Variants in LSM4 observed in about 807,000 individuals in gnomAD.
LSM4 encodes the protein U6 snRNA-associated Sm-like protein LSm4.
In LSM4, 15 loss-of-function variants were observed where a neutral mutation model predicts 22.3. The observed-to-expected ratio is 0.67, with a 90% confidence interval of 0.45 to 1.03. The LOEUF (loss-of-function observed/expected upper bound fraction) is 1.03, where lower values mean the gene tolerates loss of function less well. LSM4 is among the 50% of genes least tolerant of loss of function. LSM4 has a pLI of 0.00. For missense variants in LSM4, 127 were observed against 198.0 expected (o/e 0.64, Z 2.15); for synonymous variants, 90 against 79.8 (o/e 1.13, Z -0.68).
chr19:18,316,211 C>G, intron 1 of LSM4, 146 bp from the exon 2 acceptor site: 1 of 634,638 alleles, frequency 1.6e-6, no homozygotes, highest in South Asian at 1.9e-5. Context: ...CTGGAAATGC[C>G]ATTTCCTCAC....
chr19:18,307,353 G>A lies in LSM4; in HGVS notation c.*111C>T, dbSNP rs995282012. ...AAAGGGAGGGTCACAAAACACGAAGGGGGTTCCCCCTGGCGCCTGCCTCTT... is the reference window on the plus strand; with the variant it reads ...AAAGGGAGGGTCACAAAACACGAAGAGGGTTCCCCCTGGCGCCTGCCTCTT... On this transcript the variant is annotated 3_prime_UTR_variant, in exon 5 of 5. Coordinates refer to ENST00000593829, the MANE Select transcript of LSM4 (RefSeq NM_012321.5). The A allele has an allele frequency of 9.6e-6, 8 of 835,666 alleles. No homozygotes were observed. The African/African-American group carries it at 1.4e-4, about 15-fold the overall frequency. 51.8% of individuals were successfully genotyped at this position (835,666 alleles called of 1,614,324 possible).
At chr19:18,316,185 T>C in intron 1 of LSM4, 120 bp from the exon 2 acceptor site, 1 of 773,774 alleles carries the variant, frequency 1.3e-6, no homozygotes, top group Admixed American at 2.3e-5. Flanking sequence ...CAGGAGTGCG[T>C]GTCAATCACC....
rs375405349 is a variant in LSM4, at chr19:18,311,015, G to A, written c.145-1154C>T. On this transcript the variant is annotated intron_variant, in intron 3 of 4. Coordinates refer to ENST00000593829, the MANE Select transcript of LSM4 (RefSeq NM_012321.5). ...CTGTCAGACACTCTCCTCCACACCT[G>A]GGTAGGTGTGGCCTGGCCTAGCGCT... Among the ~76,000 whole-genome samples the A allele has an allele frequency of 2.0e-5, 3 of 152,312 alleles. No individual in the cohort carries two copies. In the East Asian group the frequency reaches 5.8e-4, roughly 29 times the overall value.
At chr19:18,318,884 C>T (rs910808025) in intron 1 of LSM4, among the ~76,000 whole-genome samples, 6 of 152,268 alleles carry the variant, frequency 3.9e-5, no homozygotes, top group South Asian at 2.1e-4. Context: ...GGAGGACCCA[C>T]GGCCTCCTTG....
intron 2 of LSM4, 131 bp downstream of exon 2, chr19:18,315,893 T>C (rs1970349456): frequency 1.3e-6 from 1 of 751,810 alleles, no homozygotes; most frequent in Non-Finnish European, 2.3e-6. Flanking sequence ...TGGACACTCC[T>C]GGGGAGGGAG....
At chr19:18,318,865 C>G (rs1970388854) in intron 1 of LSM4, among the ~76,000 whole-genome samples, 1 of 152,260 alleles carries the variant, frequency 6.6e-6, no homozygotes, top group African/African-American at 2.4e-5. Context: ...CGACCAATAG[C>G]ACAGCCTGGG....
chr19:18,309,292 A>C, intron 4 of LSM4: 1 of 205,640 alleles, frequency 4.9e-6, no homozygotes, highest in Non-Finnish European at 9.6e-6. Context: ...CCCTGGGCCT[A>C]ACAAATGGAA....
At chr19:18,309,161 G>T (rs1275367746) in intron 4 of LSM4, 1 of 153,758 alleles carries the variant, frequency 6.5e-6, no homozygotes, top group Non-Finnish European at 1.4e-5. Context: ...CAAGCCCCCA[G>T]GCTGGCACCT....
intron 1 of LSM4, among the ~76,000 whole-genome samples, chr19:18,320,411 GT>G (rs1970413189): frequency 6.6e-6 from 1 of 152,148 alleles, no homozygotes; most frequent in Non-Finnish European, 1.5e-5. Flanking sequence ...GGAGGCTGAG[GT>G]CAGGTGGGAG....
At chr19:18,312,474 G>T in intron 3 of LSM4, 130 bp downstream of exon 3, 1 of 734,850 alleles carries the variant, frequency 1.4e-6, no homozygotes, top group Non-Finnish European at 2.4e-6. Context: ...CCTCCTGACT[G>T]ACCCCTGGAA....
In LSM4 at chr19:18,307,460, G is replaced by A. The variant is rs13363; in HGVS notation, c.*4C>T. 1.3e-5 allele frequency: 20 copies of A among 1,532,902 alleles called. No homozygotes were observed. Among genetic ancestry groups the A allele is most frequent in the East Asian group, 2.5e-5 (1 of 39,592 alleles). The allele number at this position is 1,532,902 out of a possible 1,614,324, so 95.0% of individuals were successfully genotyped here. ...GGGGCGCAGCAGCCGGTCTGGGTGG[G>A]CGCTCACTGTTTGCCCGCCTGTCTG... is the stretch of plus-strand genomic sequence containing the variant. On this transcript the variant is annotated 3_prime_UTR_variant, in exon 5 of 5. Coordinates refer to ENST00000593829, the MANE Select transcript of LSM4 (RefSeq NM_012321.5).
chr19:18,321,846 C>A (rs984113036), intron 1 of LSM4, among the ~76,000 whole-genome samples: 1 of 152,112 alleles, frequency 6.6e-6, no homozygotes, highest in Admixed American at 6.6e-5. Context: ...TTCAACACTC[C>A]CGTCGATGAC....
chr19:18,307,661 C>G (rs1432305902), intron 4 of LSM4, 106 bp from the exon 5 acceptor site: 2 of 766,676 alleles, frequency 2.6e-6, no homozygotes, highest in Admixed American at 7.5e-5. Context: ...TCTCCAGCCT[C>G]AGCTTCCTCA....
intron 4 of LSM4, chr19:18,309,412 A>G (rs767792825): frequency 3.8e-6 from 2 of 520,724 alleles, no homozygotes; most frequent in Middle Eastern, 4.8e-4. Context: ...GGGCACCACC[A>G]TACCCTCTCA....
intron 3 of LSM4, among the ~76,000 whole-genome samples, chr19:18,311,261 A>G (rs113246597): frequency 4.6e-5 from 7 of 152,198 alleles, no homozygotes; most frequent in African/African-American, 1.2e-4. Flanking sequence ...AGCGCTCCAG[A>G]GGTCTCTCAG....
chr19:18,316,771 G>A (rs1377534588), intron 1 of LSM4, among the ~76,000 whole-genome samples: 1 of 152,066 alleles, frequency 6.6e-6, no homozygotes, highest in African/African-American at 2.4e-5. Flanking sequence ...CAGTACTATG[G>A]CGCTAGGAGG....
At chr19:18,314,533 T>C (rs547487619) in intron 2 of LSM4, among the ~76,000 whole-genome samples, 2 of 148,268 alleles carry the variant, frequency 1.3e-5, no homozygotes, top group African/African-American at 4.9e-5. Context: ...AAAAAAGTGG[T>C]AAGTATCCGC....
intron 1 of LSM4, among the ~76,000 whole-genome samples, chr19:18,317,599 G>A (rs1183090160): frequency 6.6e-6 from 1 of 152,000 alleles, no homozygotes; most frequent in African/African-American, 2.4e-5. Context: ...CGCCTGCCTT[G>A]GCCTCTCAAA....
rs959835358 is a variant in LSM4 at position 18,307,126 on chromosome 19, A to G, written c.*338T>C. The G allele has an allele frequency of 4.0e-6, 1 of 249,186 alleles. No homozygotes were observed. The highest frequency in any genetic ancestry group is 5.5e-5 in the Admixed American group (1 of 18,046). The allele number at this position is 249,186 out of a possible 1,614,324, so 15.4% of individuals were successfully genotyped here. Reference sequence around the variant, plus strand: ...TCTCCCGTCTGGTTGCTGCTCGGAGAGGCTCCAAGAAATGCAAAACAAACC... The same window carrying G: ...TCTCCCGTCTGGTTGCTGCTCGGAGGGGCTCCAAGAAATGCAAAACAAACC... On this transcript the variant is annotated 3_prime_UTR_variant, in exon 5 of 5. Coordinates refer to ENST00000593829, the MANE Select transcript of LSM4 (RefSeq NM_012321.5).
Sources: gnomAD v4.1 joint callset for allele counts (sites outside exome capture counted in the v4.1 genomes callset) on GRCh38, gnomAD v4.1.1 for gene constraint, MANE v1.5 for transcripts, NCBI Gene and HGNC (gene_info 2026-07-23, HGNC 2026-07-21) for gene names.